Variants in BRAF observed in about 807,000 individuals in gnomAD.
BRAF encodes the protein B-Raf proto-oncogene, serine/threonine kinase, also known as serine/threonine-protein kinase B-raf.
A neutral mutation model predicts 104.6 loss-of-function variants in BRAF; 16 were observed. The ratio of observed to expected loss-of-function variants is 0.15; its 90% CI spans 0.10 to 0.23. The LOEUF (loss-of-function observed/expected upper bound fraction) is 0.23. Among genes scored for constraint, BRAF ranks in the 10% least tolerant of loss-of-function variants. BRAF has a pLI of 1.00. For synonymous variants in BRAF, 310 were observed against 341.6 expected, an observed-to-expected ratio of 0.91 and a Z score of 1.02; for missense variants, 541 against 937.3, an observed-to-expected ratio of 0.58 and a Z score of 5.52.
At chr7:140,741,334 A>T (rs1434205698) in intron 17 of BRAF, 2 of 152,220 alleles carry the variant, frequency 1.3e-5, no homozygotes, top group Non-Finnish European at 2.9e-5. Flanking sequence ...AAGTAACAGG[A>T]TTTGTAGAGA....
chr7:140,767,630 A>G (rs10229313), intron 14 of BRAF, among the ~76,000 whole-genome samples: 4,230 of 152,292 alleles, frequency 0.028, 206 homozygotes, highest in African/African-American at 0.095. Flanking sequence ...AGGACAGTGA[A>G]TGAACTAGGA....
At chr7:140,807,456 T>G (rs929987255) in intron 5 of BRAF, among the ~76,000 whole-genome samples, 2 of 151,794 alleles carry the variant, frequency 1.3e-5, no homozygotes, top group African/African-American at 4.8e-5. Context: ...AAGATGTCCG[T>G]GACATCCTGT....
intron 1 of BRAF, among the ~76,000 whole-genome samples, chr7:140,874,450 T>C (rs1811970615): frequency 1.3e-5 from 2 of 150,952 alleles, no homozygotes; most frequent in African/African-American, 2.4e-5. Flanking sequence ...TCTGCCCGCC[T>C]TGGCCTCCCA....
intron 19 of BRAF, among the ~76,000 whole-genome samples, chr7:140,728,945 G>T (rs143044352): frequency 6.9e-4 from 105 of 151,866 alleles, no homozygotes; most frequent in Non-Finnish European, 1.2e-3. Flanking sequence ...TTCAGCTAAG[G>T]TTGGGCACAG....
intron 1 of BRAF, among the ~76,000 whole-genome samples, chr7:140,912,003 A>C (rs1198341191): frequency 2.0e-5 from 3 of 152,212 alleles, no homozygotes; most frequent in African/African-American, 7.2e-5. Flanking sequence ...GACAACTCAT[A>C]AAATAACTTA....
chr7:140,772,268 TAACTACAACAAC>T (rs961281922), intron 14 of BRAF, among the ~76,000 whole-genome samples: 1 of 103,450 alleles, frequency 9.7e-6, no homozygotes, highest in African/African-American at 3.9e-5. Flanking sequence ...ACAGATTGTT[TAACTACAACAAC>T]AACAACAACA....
At chr7:140,762,326 G>A (rs1427706404) in intron 14 of BRAF, among the ~76,000 whole-genome samples, 2 of 152,136 alleles carry the variant, frequency 1.3e-5, no homozygotes, top group Admixed American at 1.3e-4. Flanking sequence ...AAATAAAGAT[G>A]TTCTTTGAAA....
In BRAF at chr7:140,766,184, G is replaced by A. The variant is rs553006344; in HGVS notation, c.1814+10728C>T. Among the ~76,000 whole-genome samples, 13 of 151,824 alleles carry A rather than the reference G, an allele frequency of 8.6e-5. No individual in the cohort carries two copies. The East Asian group carries it at 1.2e-3, about 14-fold the overall frequency. On this transcript the variant is annotated intron_variant, in intron 14 of 19. Transcript: ENST00000644969. ...AAATCATCATTCTCAGTAAACTATC[G>A]CAAGGACAAAAAACCAAACACCGCA...
chr7:140,851,658 C>A (rs1166281387), intron 1 of BRAF, among the ~76,000 whole-genome samples: 2 of 152,102 alleles, frequency 1.3e-5, no homozygotes, highest in African/African-American at 2.4e-5. Context: ...GCCAAATGGT[C>A]TTCCAAAAGA....
intron 17 of BRAF, among the ~76,000 whole-genome samples, chr7:140,745,339 G>GA (rs1371012483): frequency 6.6e-6 from 1 of 151,808 alleles, no homozygotes; most frequent in African/African-American, 2.4e-5. Context: ...AGGAATGTGA[G>GA]AAAAAAAATC....
chr7:140,918,502 G>T (rs963823261), intron 1 of BRAF, among the ~76,000 whole-genome samples: 2 of 152,162 alleles, frequency 1.3e-5, no homozygotes, highest in African/African-American at 4.8e-5. Context: ...CGGACTGGTA[G>T]ATACGAGGCT....
intron 1 of BRAF, among the ~76,000 whole-genome samples, chr7:140,859,032 A>T (rs1005716451): frequency 6.6e-6 from 1 of 152,214 alleles, no homozygotes; most frequent in Non-Finnish European, 1.5e-5. Flanking sequence ...ATGGTGTTCT[A>T]ACACATTAGC....
At position 140,722,205 on chromosome 7, in the gene BRAF, G is replaced by C. The variant is rs1180247568; in HGVS notation, c.*4289C>G. 1.9e-6 allele frequency: 2 copies of C among 1,056,186 alleles called. No individual in the cohort carries two copies. The highest frequency in any genetic ancestry group is 3.3e-5 in the African/African-American group (2 of 60,620). The allele number at this position is 1,056,186 out of a possible 1,614,324, so 65.4% of individuals were successfully genotyped here. On this transcript the variant is annotated 3_prime_UTR_variant, in exon 20 of 20. Coordinates refer to ENST00000644969, the MANE Select transcript of BRAF (RefSeq NM_001374258.1). Reference sequence around the variant, plus strand: ...GTGATAAATATATCTGACTATACTAGGGATTATGTGCTTTAAAAAAATAAT... The same window carrying C: ...GTGATAAATATATCTGACTATACTACGGATTATGTGCTTTAAAAAAATAAT...
rs768914751 is a variant in BRAF, at chr7:140,855,844, AC to A, written c.139-5633del. Among the ~76,000 whole-genome samples, 350 of 151,406 alleles carry A rather than the reference AC, an allele frequency of 2.3e-3. 2 individuals are homozygous for A. The highest frequency in any genetic ancestry group is 3.6e-3 in the Non-Finnish European group (241 of 67,868). The stretch of plus-strand genomic sequence containing the variant: ...AGACCAGCCTGGCCAACAAGGCAAA[AC>A]CCTTTCTCTACTAAAAGTACAAAAA... On this transcript the variant is annotated intron_variant, in intron 1 of 19. Transcript: ENST00000644969.
At chr7:140,813,852 C>T (rs565117321) in intron 3 of BRAF, among the ~76,000 whole-genome samples, 5 of 151,936 alleles carry the variant, frequency 3.3e-5, no homozygotes, top group South Asian at 2.1e-4. Context: ...TCCATACATG[C>T]GTGTACACAC....
intron 7 of BRAF, 30 bp downstream of exon 7, chr7:140,800,332 T>C (rs753888909): frequency 2.9e-5 from 47 of 1,613,884 alleles, no homozygotes; most frequent in Non-Finnish European, 4.0e-5. Flanking sequence ...TCAAGTAGCA[T>C]GTCGCCCAAG....
chr7:140,811,521 C>T (rs1804262701), intron 3 of BRAF, among the ~76,000 whole-genome samples: 1 of 152,142 alleles, frequency 6.6e-6, no homozygotes, highest in Non-Finnish European at 1.5e-5. Context: ...TATCAAAGAG[C>T]TCCAAAGGGC....
intron 14 of BRAF, among the ~76,000 whole-genome samples, chr7:140,761,772 A>G: frequency 6.6e-6 from 1 of 152,208 alleles, no homozygotes; most frequent in Non-Finnish European, 1.5e-5. Flanking sequence ...TAAACCAACA[A>G]AGATCAAAAG....
chr7:140,845,960 T>G (rs1808500325), intron 2 of BRAF, among the ~76,000 whole-genome samples: 1 of 152,178 alleles, frequency 6.6e-6, no homozygotes, highest in Admixed American at 6.5e-5. Flanking sequence ...ATTACAGGTG[T>G]GAGCCACCGC....
Sources: allele counts gnomAD v4.1 joint callset (sites outside exome capture counted in the v4.1 genomes callset), GRCh38; gene constraint gnomAD v4.1.1; transcripts MANE v1.5; gene names NCBI Gene and HGNC (gene_info 2026-07-23, HGNC 2026-07-21).